The following RYR2 variants were observed in gnomAD, a reference collection of about 807,000 sequenced individuals.
RYR2 encodes the protein cardiac muscle ryanodine receptor-calcium release channel.
RYR2 carries 227 observed loss-of-function variants against 601.1 expected under a neutral mutation model. The observed-to-expected ratio is 0.38, with a 90% CI of 0.34 to 0.42. RYR2 has a LOEUF of 0.42. Ranked by LOEUF, RYR2 falls within the 10% of genes least tolerant of loss-of-function variation. The pLI is 1.00. For synonymous variants in RYR2, 2,223 were observed against 2,175.1 expected, an observed-to-expected ratio of 1.02 and a Z score of -0.61; for missense variants, 4,646 against 6,156.5, an observed-to-expected ratio of 0.75 and a Z score of 8.21.
chr1:237,617,133 G>A (rs1678564627), intron 37 of RYR2, among the ~76,000 whole-genome samples, 153 bp from the exon 38 acceptor site: 1 of 152,168 alleles, frequency 6.6e-6, no homozygotes, highest in African/African-American at 2.4e-5. Context: ...TTCATCTCCT[G>A]GGACCGAGCA....
At chr1:237,830,266 C>CT in intron 102 of RYR2, 1 of 345,506 alleles carries the variant, frequency 2.9e-6, no homozygotes, top group Non-Finnish European at 5.5e-6. Flanking sequence ...AGAGACGTTG[C>CT]TTTTCAGCCA....
chr1:237,129,481 A>G (rs1671919184), intron 1 of RYR2, among the ~76,000 whole-genome samples: 1 of 152,134 alleles, frequency 6.6e-6, no homozygotes, highest in Non-Finnish European at 1.5e-5. Context: ...GGAGATGTAC[A>G]CTTAGTCTAG....
chr1:237,501,729 G>A (rs1175562792), intron 21 of RYR2, among the ~76,000 whole-genome samples: 1 of 152,120 alleles, frequency 6.6e-6, no homozygotes, highest in African/African-American at 2.4e-5. Flanking sequence ...TACTTTTTCT[G>A]ATGTATTTAT....
chr1:237,085,344 G>C (rs866277969), intron 1 of RYR2, among the ~76,000 whole-genome samples: 1 of 152,200 alleles, frequency 6.6e-6, no homozygotes, highest in East Asian at 1.9e-4. Flanking sequence ...CTGAGTTTCA[G>C]TTATTGGTTC....
intron 12 of RYR2, among the ~76,000 whole-genome samples, chr1:237,439,162 C>T (rs140575291): frequency 4.6e-5 from 7 of 152,174 alleles, no homozygotes; most frequent in Non-Finnish European, 8.8e-5. Flanking sequence ...CTTCAGCTTA[C>T]GGTCATTCAA....
In RYR2 at chr1:237,708,394, G is replaced by C. The variant is rs562993242; in HGVS notation, c.9902-464G>C. On this transcript the variant is annotated intron_variant, in intron 68 of 104. Transcript: ENST00000366574. Reference sequence around the variant, plus strand: ...TTTAGAACTATTATTAACAACTATGGTTATTATTAAATAAGAGAGCAGTGT... The same window carrying C: ...TTTAGAACTATTATTAACAACTATGCTTATTATTAAATAAGAGAGCAGTGT... 3.5e-3 allele frequency among the ~76,000 whole-genome samples: 531 copies of C among 152,220 alleles called. 2 individuals carry two copies. Among genetic ancestry groups the C allele is most frequent in the Non-Finnish European group, 5.3e-3 (361 of 68,020 alleles).
At chr1:237,436,623 A>G (rs1707405748) in intron 12 of RYR2, among the ~76,000 whole-genome samples, 1 of 151,342 alleles carries the variant, frequency 6.6e-6, no homozygotes, top group Admixed American at 6.6e-5. Context: ...GGAGCAAATA[A>G]AAAAATTCTT....
intron 29 of RYR2, among the ~76,000 whole-genome samples, chr1:237,574,575 G>A (rs968085917): frequency 6.6e-6 from 1 of 152,176 alleles, no homozygotes; most frequent in Non-Finnish European, 1.5e-5. Context: ...TAGGGATTGG[G>A]TCCTTCCTGA....
At chr1:237,533,318 G>A (rs1158256602) in intron 25 of RYR2, among the ~76,000 whole-genome samples, 2 of 152,100 alleles carry the variant, frequency 1.3e-5, no homozygotes, top group Non-Finnish European at 1.5e-5. Context: ...AAAATGTTGG[G>A]GTTTTTTAAC....
chr1:237,532,183 G>T lies in RYR2; in HGVS notation c.2906+1673G>T, dbSNP rs150287807. Among the ~76,000 whole-genome samples the T allele has an allele frequency of 9.0e-3, 1,363 of 152,124 alleles. 22 individuals are homozygous for T. Among genetic ancestry groups the T allele is most frequent in the African/African-American group, 0.031 (1,284 of 41,496 alleles). On this transcript the variant is annotated intron_variant, in intron 25 of 104. Transcript: ENST00000366574. The stretch of plus-strand genomic sequence containing the variant: ...CAACATAAATTGTTTTTAATAAAAA[G>T]TCATAGAAAATAGGATGTTATTGGA...
chr1:237,225,589 T>C (rs1208566058), intron 1 of RYR2, among the ~76,000 whole-genome samples: 1 of 152,186 alleles, frequency 6.6e-6, no homozygotes, highest in Non-Finnish European at 1.5e-5. Context: ...CAATTCAAGA[T>C]GAAAGTTGGG....
At chr1:237,274,052 T>C (rs1270132536) in intron 2 of RYR2, among the ~76,000 whole-genome samples, 3 of 146,972 alleles carry the variant, frequency 2.0e-5, no homozygotes, top group Non-Finnish European at 3.0e-5. Context: ...ATTTATAATA[T>C]ATTATAAATA....
At chr1:237,423,300 C>A in intron 12 of RYR2, 52 bp downstream of exon 12, 1 of 1,559,028 alleles carries the variant, frequency 6.4e-7, no homozygotes, top group South Asian at 1.2e-5. Context: ...GGTCATATTT[C>A]CTTTGATGTT....
At chr1:237,741,884 G>A (rs1256318209) in intron 79 of RYR2, among the ~76,000 whole-genome samples, 1 of 152,134 alleles carries the variant, frequency 6.6e-6, no homozygotes, top group African/African-American at 2.4e-5. Flanking sequence ...TTACAGGGGT[G>A]AGCCACCTCG....
At chr1:237,102,988 C>T (rs547082976) in intron 1 of RYR2, among the ~76,000 whole-genome samples, 3 of 152,276 alleles carry the variant, frequency 2.0e-5, no homozygotes, top group African/African-American at 4.8e-5. Flanking sequence ...AACAAATCTC[C>T]GAACAGTTTC....
intron 1 of RYR2, among the ~76,000 whole-genome samples, chr1:237,094,067 G>A (rs930723942): frequency 6.6e-5 from 10 of 152,226 alleles, no homozygotes; most frequent in Non-Finnish European, 1.3e-4. Context: ...TGGGGCAGGC[G>A]AGCTGGCCTG....
At chr1:237,685,980 G>C (rs2148962103) in intron 62 of RYR2, among the ~76,000 whole-genome samples, 1 of 152,246 alleles carries the variant, frequency 6.6e-6, no homozygotes, top group African/African-American at 2.4e-5. Context: ...CAGAAGTGAG[G>C]GGTGATGGCC....
At chr1:237,441,267 C>A (rs1707870519) in intron 12 of RYR2, 52 bp from the exon 13 acceptor site, 1 of 1,598,966 alleles carries the variant, frequency 6.3e-7, no homozygotes, top group Non-Finnish European at 8.6e-7. Flanking sequence ...TATTGCCATA[C>A]ACTAGTATTT....
intron 63 of RYR2, among the ~76,000 whole-genome samples, chr1:237,694,065 C>T (rs576000951): frequency 1.3e-5 from 2 of 151,952 alleles, no homozygotes; most frequent in African/African-American, 2.4e-5. Context: ...GAGGCTGAGG[C>T]GGGCGGATCA....
Sources: gnomAD v4.1 joint callset for allele counts (sites outside exome capture counted in the v4.1 genomes callset) on GRCh38, gnomAD v4.1.1 for gene constraint, MANE v1.5 for transcripts, NCBI Gene and HGNC (gene_info 2026-07-23, HGNC 2026-07-21) for gene names.